Variants in TTC7B observed in about 807,000 individuals in gnomAD.
TTC7B encodes tetratricopeptide repeat domain 7B.
TTC7B carries 28 observed loss-of-function variants against 106.8 expected under a neutral mutation model. The ratio of observed to expected loss-of-function variants is 0.26; its 90% CI spans 0.19 to 0.36. TTC7B has a LOEUF of 0.36. Among genes scored for constraint, TTC7B ranks in the 10% least tolerant of loss-of-function variants. TTC7B has a pLI of 1.00. For synonymous variants in TTC7B, 405 were observed against 430.6 expected (o/e 0.94, Z 0.74); for missense variants, 862 against 1,076.4 (o/e 0.80, Z 2.79).
At chr14:90,569,017 T>C (rs1469334718) in intron 19 of TTC7B, among the ~76,000 whole-genome samples, 1 of 152,220 alleles carries the variant, frequency 6.6e-6, no homozygotes, top group Non-Finnish European at 1.5e-5. Flanking sequence ...TCCTCTCCAC[T>C]GGGTTTGCCC....
At position 90,657,243 on chromosome 14, in the gene TTC7B, G is replaced by T. The variant is rs761569383; in HGVS notation, c.1272C>A (p.Ile424=). ...TGGTGGCATCGTCTGGCTTCAGGCGGATACACTCTTTCAGCACCTTCACGG... is the reference window on the plus strand; with the variant it reads ...TGGTGGCATCGTCTGGCTTCAGGCGTATACACTCTTTCAGCACCTTCACGG... ...ARAVKVLKEC[I]RLKPDDATIP... Residue 424 remains isoleucine, a synonymous_variant, in exon 11 of 20, where the codon ATC becomes ATA. Transcript: ENST00000328459. This position sits in a 1 kb window ranked among gnomAD's most constrained non-coding sequence, Gnocchi z 4.2. The T allele has an allele frequency of 1.2e-6, 2 of 1,613,946 alleles. No individual in the cohort carries two copies. Among genetic ancestry groups the T allele is most frequent in the Non-Finnish European group, 8.5e-7 (1 of 1,180,028 alleles).
chr14:90,697,994 A>G (rs913243735), intron 5 of TTC7B: 4 of 152,238 alleles, frequency 2.6e-5, no homozygotes, highest in African/African-American at 9.6e-5. Context: ...CAGAGCTGAG[A>G]AGGCCTGAAG....
chr14:90,551,014 C>T (rs1890054497), intron 19 of TTC7B, among the ~76,000 whole-genome samples: 1 of 152,204 alleles, frequency 6.6e-6, no homozygotes, highest in Non-Finnish European at 1.5e-5. Context: ...ATGCCCTGCT[C>T]CCAGCTGAGC....
chr14:90,724,937 A>G lies in TTC7B; in HGVS notation c.698+5138T>C, dbSNP rs527733232. Reference sequence around the variant, plus strand: ...CTTTCATTGTTTATGCTTTTACAGAACCATGTCATAACCTTTAAAGGTACT... The same window carrying G: ...CTTTCATTGTTTATGCTTTTACAGAGCCATGTCATAACCTTTAAAGGTACT... On this transcript the variant is annotated intron_variant, in intron 5 of 19. Transcript: ENST00000328459. Among the ~76,000 whole-genome samples the G allele has an allele frequency of 9.2e-5, 14 of 152,236 alleles. No homozygotes were observed. The South Asian group carries it at 2.9e-3, about 32-fold the overall frequency.
rs1162906370 is a variant in TTC7B at position 90,680,533 on chromosome 14, A to G, written c.953T>C (p.Ile318Thr). The G allele has an allele frequency of 1.2e-6, 2 of 1,613,748 alleles. No individual in the cohort carries two copies. The highest frequency in any genetic ancestry group is 1.7e-6 in the Non-Finnish European group (2 of 1,179,738). Residue 318 changes from isoleucine to threonine, a missense_variant and splice_region_variant, in exon 8 of 20, where the codon ATT becomes ACT. Ile to Thr is a moderately conservative substitution (Grantham distance 89). Transcript: ENST00000328459. The stretch of plus-strand genomic sequence containing the variant: ...TTCCGTATTTTCTTGAGGACAAAAA[A>G]TGCTGCAGTTGAAAGAAAACTGACT... ...RRARVYSGEN[I>T]FCPQENTEEA... is the part of the protein sequence containing the mutation.
Position 90,679,197 on chromosome 14 carries a change from A to G in TTC7B, c.1014+1275T>C, listed in dbSNP as rs1384950813. 2.0e-5 allele frequency among the ~76,000 whole-genome samples: 3 copies of G among 152,230 alleles called. 1 individual carries two copies. Among genetic ancestry groups the G allele is most frequent in the South Asian group, 4.1e-4 (2 of 4,836 alleles). On this transcript the variant is annotated intron_variant, in intron 8 of 19. Coordinates refer to ENST00000328459, the MANE Select transcript of TTC7B (RefSeq NM_001010854.2). ...GCTTCCTTGAGAGGAAGTAAGCCCA[A>G]TGACACCAAAGAGCCTCCAGATCAA...
intron 5 of TTC7B, among the ~76,000 whole-genome samples, chr14:90,714,053 C>A (rs538607036): frequency 6.6e-6 from 1 of 152,094 alleles, no homozygotes; most frequent in South Asian, 2.1e-4. Context: ...CATGGAGAAA[C>A]TTTGTCTCTA....
At chr14:90,712,735 T>A (rs12880329) in intron 5 of TTC7B, among the ~76,000 whole-genome samples, 21,007 of 144,420 alleles carry the variant, frequency 0.15, 1,762 homozygotes, top group Middle Eastern at 0.22. Context: ...GCTGGCAGGC[T>A]TTTTTTTTTC....
rs1231513133 is a variant in TTC7B, at chr14:90,600,671, T to A, written c.1967-7045A>T. Among the ~76,000 whole-genome samples the A allele has an allele frequency of 1.3e-5, 2 of 152,178 alleles. No homozygotes were observed. Among genetic ancestry groups the A allele is most frequent in the Non-Finnish European group, 2.9e-5 (2 of 68,022 alleles). On this transcript the variant is annotated intron_variant, in intron 17 of 19. Transcript: ENST00000328459. The surrounding 1 kb of genome is among the most constrained non-coding windows in gnomAD (Gnocchi z 4.3). Reference sequence around the variant, plus strand: ...TAAGGCAGGGAGGGCCGGGGACATGTCATCACCGGTGGGCATGCGGGGCTA... The same window carrying A: ...TAAGGCAGGGAGGGCCGGGGACATGACATCACCGGTGGGCATGCGGGGCTA...
chr14:90,691,026 T>C (rs1240664686), intron 6 of TTC7B, among the ~76,000 whole-genome samples: 1 of 152,184 alleles, frequency 6.6e-6, no homozygotes, highest in African/African-American at 2.4e-5. Context: ...AAGAACACAA[T>C]TTTCAGGACC....
chr14:90,652,050 T>C (rs1360983240), intron 13 of TTC7B, among the ~76,000 whole-genome samples: 1 of 152,194 alleles, frequency 6.6e-6, no homozygotes, highest in African/African-American at 2.4e-5. Context: ...GATTTCATTT[T>C]TGTGATTATA....
intron 1 of TTC7B, among the ~76,000 whole-genome samples, chr14:90,809,241 T>G (rs2030767610): frequency 2.6e-5 from 4 of 152,248 alleles, no homozygotes; most frequent in Non-Finnish European, 5.9e-5. Flanking sequence ...TCTTCCCTTT[T>G]AAGCATGGAT....
At position 90,532,139 on chromosome 14, in the gene TTC7B, C is replaced by T. The variant is rs1417724391; in HGVS notation, c.*9229G>A. 1 of 152,214 alleles carries T rather than the reference C, an allele frequency of 6.6e-6. No homozygotes were observed. The highest frequency in any genetic ancestry group is 1.5e-5 in the Non-Finnish European group (1 of 68,038). 9.4% of individuals were successfully genotyped at this position (152,214 alleles called of 1,614,324 possible). A position where few individuals can be genotyped will look rare whatever the true frequency, so the allele number is the denominator to read the frequency against. ...CTGAGATCGTGCCACTGTACTCCAGCCTCGGTGACAGAGCAAGACCCCATC... is the reference window on the plus strand; with the variant it reads ...CTGAGATCGTGCCACTGTACTCCAGTCTCGGTGACAGAGCAAGACCCCATC... On this transcript the variant is annotated 3_prime_UTR_variant, in exon 20 of 20. Coordinates refer to ENST00000328459, the MANE Select transcript of TTC7B (RefSeq NM_001010854.2).
intron 17 of TTC7B, among the ~76,000 whole-genome samples, chr14:90,602,982 C>T (rs1316553870): frequency 1.3e-5 from 2 of 152,168 alleles, no homozygotes; most frequent in African/African-American, 2.4e-5. Flanking sequence ...CACTGCACAC[C>T]CAGAGTTGGC....
intron 19 of TTC7B, among the ~76,000 whole-genome samples, chr14:90,558,340 T>C (rs1055361644): frequency 9.8e-5 from 15 of 152,366 alleles, no homozygotes; most frequent in Admixed American, 9.8e-4. Flanking sequence ...AAGTCCCAGC[T>C]TCAACACACA....
At chr14:90,617,772 G>T (rs1171081739) in intron 16 of TTC7B, among the ~76,000 whole-genome samples, 157 bp downstream of exon 16, 4 of 152,202 alleles carry the variant, frequency 2.6e-5, no homozygotes, top group Admixed American at 1.3e-4. Flanking sequence ...CTTAAACATG[G>T]AGTGTGAAGC....
At chr14:90,612,519 G>T (rs1892916463) in intron 16 of TTC7B, among the ~76,000 whole-genome samples, 1 of 152,168 alleles carries the variant, frequency 6.6e-6, no homozygotes, top group Admixed American at 6.5e-5. Context: ...GATTTGCCTG[G>T]GTTTCTGGTG....
chr14:90,578,099 G>A lies in TTC7B; in HGVS notation c.2310+7C>T. ...AGTAGGGGCCACCGCCGGGCTCGTG[G>A]ACTCACCAGTCGCTGCATGCTCTTC... On this transcript the variant is annotated splice_region_variant and intron_variant, in intron 19 of 19. Coordinates refer to ENST00000328459, the MANE Select transcript of TTC7B (RefSeq NM_001010854.2). This position sits in a 1 kb window ranked among gnomAD's most constrained non-coding sequence, Gnocchi z 4.7. 3 of 1,606,424 alleles carry A rather than the reference G, an allele frequency of 1.9e-6. No homozygotes were observed. The highest frequency in any genetic ancestry group is 2.5e-6 in the Non-Finnish European group (3 of 1,176,638).
chr14:90,654,849 C>G, intron 12 of TTC7B, 144 bp downstream of exon 12: 1 of 642,902 alleles, frequency 1.6e-6, no homozygotes, highest in Admixed American at 2.8e-5. Flanking sequence ...GACAGCAGCA[C>G]CAGGGGCCCC....
Sources: gnomAD v4.1 joint callset for allele counts (sites outside exome capture counted in the v4.1 genomes callset) on GRCh38, gnomAD v4.1.1 for gene constraint, Gnocchi (gnomAD v3.1) non-coding constraint, MANE v1.5 for transcripts, NCBI Gene and HGNC (gene_info 2026-07-23, HGNC 2026-07-21) for gene names.